Variants in MACROD2 observed in about 807,000 individuals in gnomAD.
MACROD2 encodes ADP-ribose glycohydrolase MACROD2.
In MACROD2, 36 loss-of-function variants were observed where a neutral mutation model predicts 70.4. That is an observed-to-expected ratio of 0.51 (90% CI 0.39 to 0.68). The LOEUF (loss-of-function observed/expected upper bound fraction) is 0.68, where lower values mean the gene tolerates loss of function less well. MACROD2 is among the 30% of genes least tolerant of loss of function. The pLI, the probability that MACROD2 is intolerant of heterozygous loss-of-function variation, is 0.00. For missense variants in MACROD2, 496 were observed against 538.4 expected (o/e 0.92, Z 0.78); for synonymous variants, 172 against 178.8 (o/e 0.96, Z 0.30).
chr20:15,861,907 AT>A (rs1390839684), intron 8 of MACROD2, among the ~76,000 whole-genome samples: 2 of 152,132 alleles, frequency 1.3e-5, no homozygotes, highest in African/African-American at 2.4e-5. Context: ...GTGCTTTTCA[AT>A]TTTTTTATGT....
intron 5 of MACROD2, among the ~76,000 whole-genome samples, chr20:14,982,539 G>A (rs928917111): frequency 6.6e-6 from 1 of 152,168 alleles, no homozygotes; most frequent in Non-Finnish European, 1.5e-5. Flanking sequence ...GCAGCCTAGG[G>A]ACTTGGTGCC....
At chr20:14,859,397 C>A (rs963927064) in intron 5 of MACROD2, among the ~76,000 whole-genome samples, 1 of 152,064 alleles carries the variant, frequency 6.6e-6, no homozygotes, top group Non-Finnish European at 1.5e-5. Context: ...TGCTTTAATT[C>A]ATGTAAAGTG....
intron 12 of MACROD2, among the ~76,000 whole-genome samples, chr20:15,943,376 A>G (rs920530015): frequency 1.3e-5 from 2 of 152,046 alleles, no homozygotes; most frequent in Admixed American, 6.6e-5. Context: ...TCCTATTCCC[A>G]TTCTTGGTGT....
intron 3 of MACROD2, among the ~76,000 whole-genome samples, chr20:14,097,746 A>G (rs1013335455): frequency 4.6e-5 from 7 of 152,228 alleles, no homozygotes; most frequent in Admixed American, 1.3e-4. Context: ...ATATTTACAT[A>G]TACATAATGA....
At chr20:14,643,533 T>G (rs1290147674) in intron 4 of MACROD2, among the ~76,000 whole-genome samples, 1 of 152,190 alleles carries the variant, frequency 6.6e-6, no homozygotes, top group Non-Finnish European at 1.5e-5. Context: ...CTTGATGAGC[T>G]CTAGGAGCAT....
chr20:16,016,729 T>C (rs1399638023), intron 15 of MACROD2, among the ~76,000 whole-genome samples: 3 of 152,106 alleles, frequency 2.0e-5, no homozygotes, highest in Non-Finnish European at 4.4e-5. Context: ...AGAGACGGGG[T>C]TTCACCATGT....
At chr20:15,679,683 G>A (rs562603221) in intron 8 of MACROD2, among the ~76,000 whole-genome samples, 1 of 152,220 alleles carries the variant, frequency 6.6e-6, no homozygotes, top group South Asian at 2.1e-4. Context: ...CCACACAGAG[G>A]GACCATGCAA....
chr20:14,609,842 A>AT (rs1983046411), intron 4 of MACROD2, among the ~76,000 whole-genome samples: 1 of 152,116 alleles, frequency 6.6e-6, no homozygotes, highest in Admixed American at 6.6e-5. Context: ...ATGAAGCTCC[A>AT]TTTTCTACAA....
At chr20:14,343,214 G>C (rs537721803) in intron 3 of MACROD2, among the ~76,000 whole-genome samples, 62 of 149,622 alleles carry the variant, frequency 4.1e-4, no homozygotes, top group Non-Finnish European at 7.0e-4. Context: ...CCAGTGCCCT[G>C]TCCCCTTCAC....
intron 6 of MACROD2, among the ~76,000 whole-genome samples, chr20:15,389,930 T>A: frequency 6.6e-6 from 1 of 152,128 alleles, no homozygotes; most frequent in South Asian, 2.1e-4. Flanking sequence ...AAAAACAATA[T>A]TTAAAACACA....
At chr20:14,440,941 G>C (rs776049338) in intron 3 of MACROD2, among the ~76,000 whole-genome samples, 2 of 152,138 alleles carry the variant, frequency 1.3e-5, no homozygotes, top group Non-Finnish European at 2.9e-5. Flanking sequence ...ACATGGCATG[G>C]TAAACAGAGC....
At chr20:15,215,366 A>C (rs1029424332) in intron 5 of MACROD2, among the ~76,000 whole-genome samples, 4 of 151,710 alleles carry the variant, frequency 2.6e-5, no homozygotes, top group African/African-American at 9.7e-5. Flanking sequence ...TTAACCTTAA[A>C]AAAACTATGA....
intron 12 of MACROD2, among the ~76,000 whole-genome samples, chr20:15,958,810 T>C (rs1432684970): frequency 6.6e-6 from 1 of 152,134 alleles, no homozygotes; most frequent in East Asian, 1.9e-4. Flanking sequence ...ATAGAATTAG[T>C]GTCCTTATAA....
At position 14,251,276 on chromosome 20, in the gene MACROD2, A is replaced by G. The variant is rs949680485; in HGVS notation, c.271+165548A>G. Among the ~76,000 whole-genome samples the G allele has an allele frequency of 3.9e-5, 6 of 152,168 alleles. No homozygotes were observed. The South Asian group carries it at 1.2e-3, about 32-fold the overall frequency. On this transcript the variant is annotated intron_variant, in intron 3 of 17. Coordinates refer to ENST00000684519, the MANE Select transcript of MACROD2 (RefSeq NM_001351661.2). ...CTTTTTCTCTTGGAAAACGTTCGATAAAAGTACTTTAAGAAAGAAACTTGA... is the reference window on the plus strand; with the variant it reads ...CTTTTTCTCTTGGAAAACGTTCGATGAAAGTACTTTAAGAAAGAAACTTGA...
chr20:14,810,870 A>G (rs571177595), intron 5 of MACROD2, among the ~76,000 whole-genome samples: 8 of 152,132 alleles, frequency 5.3e-5, no homozygotes, highest in Admixed American at 3.9e-4. Context: ...ACCTAGAAAT[A>G]CAACTTACAA....
rs2047923510 is a variant in MACROD2, at chr20:15,539,393, C to T, written c.645+39546C>T. On this transcript the variant is annotated intron_variant, in intron 8 of 17. Transcript: ENST00000684519. Reference sequence around the variant, plus strand: ...AATTATCTAAGAACACCTTGCCTTGCCAGCTATTTAATATCACATGAAACG... The same window carrying T: ...AATTATCTAAGAACACCTTGCCTTGTCAGCTATTTAATATCACATGAAACG... Among the ~76,000 whole-genome samples, 4 of 152,170 alleles carry T rather than the reference C, an allele frequency of 2.6e-5. No homozygotes were observed. The South Asian group carries it at 8.3e-4, about 32-fold the overall frequency.
intron 15 of MACROD2, among the ~76,000 whole-genome samples, chr20:16,029,482 G>A (rs1378384744): frequency 6.6e-6 from 1 of 152,128 alleles, no homozygotes; most frequent in Non-Finnish European, 1.5e-5. Flanking sequence ...TATGAAGGAA[G>A]AGAAGTAAAA....
In MACROD2 at chr20:14,606,665, A is replaced by G. The variant is rs6110354; in HGVS notation, c.302-78178A>G. Among the ~76,000 whole-genome samples the G allele has an allele frequency of 2.8e-3, 421 of 152,270 alleles. 2 individuals are homozygous for G. The highest frequency in any genetic ancestry group is 9.3e-3 in the African/African-American group (386 of 41,570). ...GTTTTCAATACGTTTTTCTGTACCA[A>G]TAATAACTTTAATTGTTAGAACCTA... On this transcript the variant is annotated intron_variant, in intron 4 of 17. Coordinates refer to ENST00000684519, the MANE Select transcript of MACROD2 (RefSeq NM_001351661.2).
At chr20:14,452,267 G>A (rs1433888770) in intron 3 of MACROD2, among the ~76,000 whole-genome samples, 1 of 151,874 alleles carries the variant, frequency 6.6e-6, no homozygotes, top group Non-Finnish European at 1.5e-5. Flanking sequence ...TTTTCAATGT[G>A]TTAAATAATA....
Sources: gnomAD v4.1 joint callset for allele counts (sites outside exome capture counted in the v4.1 genomes callset) on GRCh38, gnomAD v4.1.1 for gene constraint, MANE v1.5 for transcripts, NCBI Gene and HGNC (gene_info 2026-07-23, HGNC 2026-07-21) for gene names.